The following FTCDNL1 variants were observed in gnomAD, a reference collection of about 807,000 sequenced individuals.
The protein encoded by FTCDNL1 is formiminotransferase N-terminal subdomain-containing protein.
Under a neutral mutation model 5.9 loss-of-function variants are expected in FTCDNL1, and 11 were observed. The ratio of observed to expected loss-of-function variants is 1.87; its 90% confidence interval spans 1.18 to 3.10. The LOEUF is 3.10. Ranked by LOEUF, FTCDNL1 falls within the 30% of genes most tolerant of loss-of-function variation. The probability of loss-of-function intolerance (pLI) is 0.00; values close to 1 mark genes in which losing one functional copy is unlikely to be tolerated. For missense variants in FTCDNL1, 115 were observed against 65.5 expected (o/e 1.76, Z -2.61); for synonymous variants, 58 against 24.8 (o/e 2.34, Z -3.99).
the FTCDNL1 span, among the ~76,000 whole-genome samples, chr2:199,749,378 G>A: frequency 1.3e-5 from 2 of 152,084 alleles, no homozygotes; most frequent in Non-Finnish European, 2.9e-5. Context: ...GCAAAAAGTT[G>A]GTAGCAATAT....
chr2:199,780,294 A>C (rs1699300725), intron 3 of FTCDNL1, among the ~76,000 whole-genome samples: 1 of 152,128 alleles, frequency 6.6e-6, no homozygotes, highest in Non-Finnish European at 1.5e-5. Context: ...TCACAGAAGA[A>C]ATTGACCAAG....
chr2:199,727,958 C>T, the FTCDNL1 span, among the ~76,000 whole-genome samples: 3 of 152,260 alleles, frequency 2.0e-5, no homozygotes, highest in East Asian at 5.8e-4. Context: ...TGCCACACTC[C>T]CATTCCTATT....
At chr2:199,743,812 C>T in the FTCDNL1 span, among the ~76,000 whole-genome samples, 1 of 152,048 alleles carries the variant, frequency 6.6e-6, no homozygotes, top group African/African-American at 2.4e-5. Flanking sequence ...ATAGAAATTT[C>T]CCCCAGGAAT....
the FTCDNL1 span, among the ~76,000 whole-genome samples, chr2:199,713,626 T>C: frequency 6.6e-6 from 1 of 152,232 alleles, no homozygotes; most frequent in East Asian, 1.9e-4. Context: ...ATTCTGACAA[T>C]CATTGTCAAT....
chr2:199,730,499 AAAAC>A, the FTCDNL1 span, among the ~76,000 whole-genome samples: 2 of 152,222 alleles, frequency 1.3e-5, no homozygotes, highest in Non-Finnish European at 2.9e-5. Flanking sequence ...TTATAAGAAA[AAAAC>A]AAACAACCCC....
the FTCDNL1 span, among the ~76,000 whole-genome samples, chr2:199,684,378 T>C: frequency 6.6e-6 from 1 of 152,206 alleles, no homozygotes; most frequent in East Asian, 1.9e-4. Context: ...TACCCTACTT[T>C]CCAGAGTCAT....
the FTCDNL1 span, among the ~76,000 whole-genome samples, chr2:199,689,493 G>T: frequency 6.6e-6 from 1 of 152,186 alleles, no homozygotes; most frequent in East Asian, 1.9e-4. Context: ...ACCTGTTTTT[G>T]ATCTACCACC....
the FTCDNL1 span, among the ~76,000 whole-genome samples, chr2:199,695,284 G>C: frequency 6.6e-6 from 1 of 152,098 alleles, no homozygotes; most frequent in Admixed American, 6.6e-5. Context: ...TTATCAAAGG[G>C]AGCTTTTATT....
the FTCDNL1 span, among the ~76,000 whole-genome samples, chr2:199,700,212 C>T: frequency 6.6e-6 from 1 of 152,096 alleles, no homozygotes. Flanking sequence ...TTTCAGGATA[C>T]AAAATCAATG....
chr2:199,777,965 T>G (rs879579848), intron 3 of FTCDNL1, among the ~76,000 whole-genome samples: 6 of 152,064 alleles, frequency 3.9e-5, no homozygotes, highest in Admixed American at 3.9e-4. Flanking sequence ...AAATGTAGAT[T>G]TCACTCCATT....
the FTCDNL1 span, among the ~76,000 whole-genome samples, chr2:199,744,771 A>G: frequency 6.6e-6 from 1 of 152,236 alleles, no homozygotes; most frequent in Non-Finnish European, 1.5e-5. Context: ...TAAGAATTGA[A>G]GCAGGATTTC....
the FTCDNL1 span, among the ~76,000 whole-genome samples, chr2:199,739,579 GGA>G: frequency 3.3e-5 from 5 of 152,076 alleles, no homozygotes; most frequent in Admixed American, 6.6e-5. Flanking sequence ...TGGCTAATTG[GGA>G]GAAAGTTGTT....
the FTCDNL1 span, among the ~76,000 whole-genome samples, chr2:199,709,193 C>A: frequency 6.6e-6 from 1 of 152,168 alleles, no homozygotes; most frequent in East Asian, 1.9e-4. Context: ...CCATCATGAC[C>A]AGATGCAAAA....
chr2:199,725,707 T>C, the FTCDNL1 span, among the ~76,000 whole-genome samples: 7 of 152,316 alleles, frequency 4.6e-5, no homozygotes, highest in East Asian at 3.9e-4. Context: ...ATGTTGAATA[T>C]TGTCCTCCAA....
the FTCDNL1 span, among the ~76,000 whole-genome samples, chr2:199,664,555 A>C: frequency 6.6e-6 from 1 of 152,224 alleles, no homozygotes; most frequent in Non-Finnish European, 1.5e-5. Context: ...TTATAATACT[A>C]TACTTTTAAG....
At chr2:199,681,165 G>A in the FTCDNL1 span, among the ~76,000 whole-genome samples, 1 of 152,210 alleles carries the variant, frequency 6.6e-6, no homozygotes, top group Non-Finnish European at 1.5e-5. Flanking sequence ...AGAAAAGCCA[G>A]GCTTTCAGCC....
chr2:199,776,877 G>A (rs370782093), intron 3 of FTCDNL1, among the ~76,000 whole-genome samples: 12 of 150,108 alleles, frequency 8.0e-5, no homozygotes, highest in East Asian at 7.9e-4. Flanking sequence ...CTATGTATAC[G>A]TATGTATAGA....
chr2:199,737,990 G>A, the FTCDNL1 span, among the ~76,000 whole-genome samples: 3 of 152,198 alleles, frequency 2.0e-5, no homozygotes, highest in African/African-American at 7.2e-5. Flanking sequence ...GCTGCCTCAC[G>A]GCACAGGCTC....
At chr2:199,681,906 AGT>A in the FTCDNL1 span, among the ~76,000 whole-genome samples, 130,361 of 149,608 alleles carry the variant, frequency 0.87, 58,262 homozygotes, top group Middle Eastern at 0.98. Flanking sequence ...TGCTCCAAGG[AGT>A]GTGTGTGTGT....
Sources: gnomAD v4.1 joint callset for allele counts (sites outside exome capture counted in the v4.1 genomes callset) on GRCh38, gnomAD v4.1.1 for gene constraint, MANE v1.5 for transcripts, NCBI Gene and HGNC (gene_info 2026-07-23, HGNC 2026-07-21) for gene names.